CCBE1: variants seen among roughly 807,000 people sequenced by gnomAD.
CCBE1 encodes the protein collagen and calcium binding EGF domains 1.
CCBE1 carries 37 observed loss-of-function variants against 50.0 expected under a neutral mutation model. That is an observed-to-expected ratio of 0.74 (90% CI 0.57 to 0.97). The LOEUF is 0.97. CCBE1 is among the 50% of genes least tolerant of loss of function. The pLI, the probability that CCBE1 is intolerant of heterozygous loss-of-function variation, is 0.00. For synonymous variants in CCBE1, 234 were observed against 203.7 expected, an observed-to-expected ratio of 1.15 and a Z score of -1.27; for missense variants, 538 against 523.8, an observed-to-expected ratio of 1.03 and a Z score of -0.26.
chr18:59,620,193 G>A (rs927946848), intron 2 of CCBE1, among the ~76,000 whole-genome samples: 6 of 152,194 alleles, frequency 3.9e-5, no homozygotes, highest in Admixed American at 3.9e-4. Context: ...CTCCTAGGTA[G>A]CCTAGAAGTT....
At chr18:59,650,765 T>C (rs1015745980) in intron 2 of CCBE1, among the ~76,000 whole-genome samples, 3 of 151,556 alleles carry the variant, frequency 2.0e-5, no homozygotes, top group African/African-American at 7.3e-5. Context: ...CATGTTGTAC[T>C]GGAGAACAAG....
intron 2 of CCBE1, among the ~76,000 whole-genome samples, chr18:59,681,510 A>T (rs964267847): frequency 1.3e-5 from 2 of 152,178 alleles, no homozygotes; most frequent in Non-Finnish European, 2.9e-5. Context: ...GTGCCGTGGG[A>T]CTACAGCTCT....
At chr18:59,451,126 C>T (rs566396752) in intron 6 of CCBE1, among the ~76,000 whole-genome samples, 3 of 152,138 alleles carry the variant, frequency 2.0e-5, no homozygotes, top group African/African-American at 4.8e-5. Flanking sequence ...GAATCCTCTC[C>T]GTAGTGTTTT....
At chr18:59,634,127 C>G (rs999343354) in intron 2 of CCBE1, among the ~76,000 whole-genome samples, 1 of 152,172 alleles carries the variant, frequency 6.6e-6, no homozygotes, top group Non-Finnish European at 1.5e-5. Context: ...AGCTAAAACT[C>G]AAACTGAAGC....
At chr18:59,682,670 A>G (rs972666315) in intron 2 of CCBE1, among the ~76,000 whole-genome samples, 1 of 152,236 alleles carries the variant, frequency 6.6e-6, no homozygotes. Flanking sequence ...ACTGAAAAAA[A>G]GCAATTGTAG....
chr18:59,610,094 C>T (rs1429067787), intron 2 of CCBE1, among the ~76,000 whole-genome samples: 1 of 152,208 alleles, frequency 6.6e-6, no homozygotes, highest in East Asian at 1.9e-4. Context: ...ACTACTCTGT[C>T]ACTTTGGGAT....
intron 6 of CCBE1, among the ~76,000 whole-genome samples, chr18:59,453,634 C>T (rs1024043497): frequency 6.6e-6 from 1 of 152,112 alleles, no homozygotes; most frequent in Non-Finnish European, 1.5e-5. Context: ...GTTTGTTGAA[C>T]ATGGGAAAGA....
chr18:59,631,728 C>A (rs1412455408), intron 2 of CCBE1, among the ~76,000 whole-genome samples: 3 of 152,218 alleles, frequency 2.0e-5, no homozygotes, highest in Non-Finnish European at 4.4e-5. Context: ...TTAAGAAGCA[C>A]TGGGCACTAA....
chr18:59,457,296 A>C (rs1179300128), intron 5 of CCBE1, among the ~76,000 whole-genome samples: 1 of 152,028 alleles, frequency 6.6e-6, no homozygotes, highest in Non-Finnish European at 1.5e-5. Context: ...AGTAAGGGGG[A>C]ATAGGGAAGG....
intron 2 of CCBE1, among the ~76,000 whole-genome samples, chr18:59,520,815 T>G (rs1422877495): frequency 1.3e-5 from 2 of 152,242 alleles, no homozygotes; most frequent in African/African-American, 4.8e-5. Flanking sequence ...CTGAAACATG[T>G]TTTTTCAAAA....
chr18:59,605,289 G>A (rs778793741), intron 2 of CCBE1, among the ~76,000 whole-genome samples: 9 of 152,200 alleles, frequency 5.9e-5, no homozygotes, highest in East Asian at 5.8e-4. Context: ...CACCAAAGCC[G>A]GATCTTTCCT....
intron 2 of CCBE1, among the ~76,000 whole-genome samples, chr18:59,681,254 G>C (rs1259078142): frequency 6.6e-6 from 1 of 152,180 alleles, no homozygotes; most frequent in Non-Finnish European, 1.5e-5. Flanking sequence ...AGGGCCCTTA[G>C]AGACACTGAG....
At chr18:59,655,766 C>T (rs1270918826) in intron 2 of CCBE1, among the ~76,000 whole-genome samples, 5 of 152,200 alleles carry the variant, frequency 3.3e-5, no homozygotes, top group African/African-American at 1.2e-4. Flanking sequence ...GGCCCACTGA[C>T]AACAGCTGCT....
intron 2 of CCBE1, among the ~76,000 whole-genome samples, chr18:59,564,357 G>A (rs1485380323): frequency 6.6e-6 from 1 of 152,064 alleles, no homozygotes; most frequent in Non-Finnish European, 1.5e-5. Context: ...ATCACAAAAT[G>A]AGATACTATA....
intron 2 of CCBE1, among the ~76,000 whole-genome samples, chr18:59,539,498 G>GAGGACTCAGCT (rs1598992144): frequency 6.6e-6 from 1 of 152,194 alleles, no homozygotes; most frequent in Admixed American, 6.5e-5. Context: ...CTCTGAAGTA[G>GAGGACTCAGCT]AGGACTCAGC....
intron 2 of CCBE1, among the ~76,000 whole-genome samples, chr18:59,528,330 C>T (rs999052042): frequency 1.3e-5 from 2 of 151,504 alleles, no homozygotes; most frequent in Non-Finnish European, 2.9e-5. Flanking sequence ...CATTTATGTT[C>T]CCACTAAACT....
chr18:59,637,687 T>C (rs1182717507), intron 2 of CCBE1, among the ~76,000 whole-genome samples: 1 of 152,182 alleles, frequency 6.6e-6, no homozygotes, highest in African/African-American at 2.4e-5. Context: ...TGATTTAAAA[T>C]ATAATGAATT....
At position 59,458,679 on chromosome 18, in the gene CCBE1, C is replaced by T. The variant is rs73963217; in HGVS notation, c.554-3728G>A. On this transcript the variant is annotated intron_variant, in intron 5 of 10. Coordinates refer to ENST00000439986, the MANE Select transcript of CCBE1 (RefSeq NM_133459.4). ...CGAACTCAACTGGGTCCCAGCTGGC[C>T]GTTTTGGAGGAGTGGGTGCACGCAG... is the stretch of plus-strand genomic sequence containing the variant. 5.1e-3 allele frequency among the ~76,000 whole-genome samples: 783 copies of T among 152,228 alleles called. 8 individuals are homozygous for T. Among genetic ancestry groups the T allele is most frequent in the African/African-American group, 0.018 (737 of 41,532 alleles).
chr18:59,477,970 T>G (rs971631121), intron 3 of CCBE1, among the ~76,000 whole-genome samples: 1 of 152,180 alleles, frequency 6.6e-6, no homozygotes, highest in African/African-American at 2.4e-5. Flanking sequence ...TGTGAAGATA[T>G]TTTTTAGATG....
Sources: allele counts gnomAD v4.1 joint callset (sites outside exome capture counted in the v4.1 genomes callset), GRCh38; gene constraint gnomAD v4.1.1; transcripts MANE v1.5; gene names NCBI Gene and HGNC (gene_info 2026-07-23, HGNC 2026-07-21).